PCDHA1: variants seen among roughly 807,000 people sequenced by gnomAD.
The protein encoded by PCDHA1 is protocadherin alpha-1.
A neutral mutation model predicts 61.3 loss-of-function variants in PCDHA1; 42 were observed. That is an observed-to-expected ratio of 0.69 (90% CI 0.54 to 0.89). The LOEUF (loss-of-function observed/expected upper bound fraction) is 0.89, where lower values mean the gene tolerates loss of function less well. PCDHA1 is among the 40% of genes least tolerant of loss of function. The pLI is 0.00. For synonymous variants in PCDHA1, 610 were observed against 553.8 expected (o/e 1.10, Z -1.43); for missense variants, 1,256 against 1,235.3 (o/e 1.02, Z -0.25).
At chr5:140,796,173 T>G in intron 1 of PCDHA1, 1 of 1,614,172 alleles carries the variant, frequency 6.2e-7, no homozygotes, top group Admixed American at 1.7e-5. Context: ...CCTTCAAGAA[T>G]TACTACTCGT....
At chr5:140,791,004 C>G (rs1181015646) in intron 1 of PCDHA1, among the ~76,000 whole-genome samples, 1 of 152,180 alleles carries the variant, frequency 6.6e-6, no homozygotes, top group Non-Finnish European at 1.5e-5. Flanking sequence ...AAAGTTCTTG[C>G]TCCATTCCAA....
At chr5:140,892,758 A>G (rs936927643) in intron 1 of PCDHA1, among the ~76,000 whole-genome samples, 2 of 152,210 alleles carry the variant, frequency 1.3e-5, no homozygotes, top group Non-Finnish European at 2.9e-5. Flanking sequence ...AACATTTAAA[A>G]TCCACTCTTC....
At chr5:140,807,646 A>T (rs1763995507) in intron 1 of PCDHA1, 1 of 1,614,220 alleles carries the variant, frequency 6.2e-7, no homozygotes, top group East Asian at 2.2e-5. Flanking sequence ...CTCGGTTTCC[A>T]CTAGAGGGCG....
At chr5:140,942,311 G>A (rs781987580) in intron 1 of PCDHA1, among the ~76,000 whole-genome samples, 1 of 152,004 alleles carries the variant, frequency 6.6e-6, no homozygotes, top group Non-Finnish European at 1.5e-5. Flanking sequence ...TTGGGAGGTC[G>A]AGGCACAAGA....
chr5:140,824,073 A>C, intron 1 of PCDHA1: 2 of 1,614,196 alleles, frequency 1.2e-6, no homozygotes, highest in Non-Finnish European at 1.7e-6. Context: ...CACCCAAAAC[A>C]GACCTCATGG....
intron 1 of PCDHA1, among the ~76,000 whole-genome samples, chr5:140,910,282 T>C (rs557559116): frequency 1.3e-5 from 2 of 152,300 alleles, no homozygotes; most frequent in East Asian, 1.9e-4. Context: ...AGGAACACCA[T>C]GATTAATCAA....
rs1554122539 is a variant in PCDHA1 at position 140,803,038 on chromosome 5, G to C, written c.2394+14354G>C. ...TGGCTTTCGTATGAGCTGCAGCCTG[G>C]GACCGGCGGTGCGCGCATCCCGTTT... On this transcript the variant is annotated intron_variant, in intron 1 of 3. Transcript: ENST00000504120. 2.5e-6 allele frequency: 4 copies of C among 1,614,052 alleles called. No individual in the cohort carries two copies. The Admixed American group carries it at 6.7e-5, about 27-fold the overall frequency.
chr5:140,882,002 G>A (rs2153382146), intron 1 of PCDHA1: 1 of 489,088 alleles, frequency 2.0e-6, no homozygotes, highest in South Asian at 5.2e-5. Context: ...AAATGCAAGG[G>A]GCAAAAAAAT....
At chr5:140,881,259 C>A in intron 1 of PCDHA1, 1 of 524,594 alleles carries the variant, frequency 1.9e-6, no homozygotes, top group Non-Finnish European at 2.4e-6. Flanking sequence ...AGGTTTTACT[C>A]AGTGATGATG....
chr5:141,005,701 CAAAAA>C (rs59860837), intron 3 of PCDHA1, among the ~76,000 whole-genome samples: 1 of 7,786 alleles, frequency 1.3e-4, no homozygotes, highest in Non-Finnish European at 2.7e-4. Context: ...AACTCCGTCT[CAAAAA>C]AAAAAAAAAA....
At chr5:140,943,019 G>A (rs1554215345) in intron 1 of PCDHA1, among the ~76,000 whole-genome samples, 1 of 152,068 alleles carries the variant, frequency 6.6e-6, no homozygotes, top group Non-Finnish European at 1.5e-5. Flanking sequence ...CACTTTGGGA[G>A]GCTGAGGTGG....
intron 1 of PCDHA1, chr5:140,848,534 T>C (rs2150412178): frequency 6.3e-7 from 1 of 1,595,182 alleles, no homozygotes; most frequent in Non-Finnish European, 8.6e-7. Flanking sequence ...AGGGTCAGCC[T>C]CTACTGCTCT....
At chr5:140,987,149 G>C (rs1380803903) in intron 3 of PCDHA1, among the ~76,000 whole-genome samples, 2 of 151,884 alleles carry the variant, frequency 1.3e-5, no homozygotes, top group African/African-American at 4.8e-5. Flanking sequence ...GGGAGGTGGA[G>C]GTTGCAGTGA....
chr5:140,870,200 C>A, intron 1 of PCDHA1: 1 of 1,614,174 alleles, frequency 6.2e-7, no homozygotes, highest in South Asian at 1.1e-5. Flanking sequence ...CAGCCCAGCA[C>A]GGTCATTGCC....
In PCDHA1 at chr5:140,787,167, T is replaced by C. The variant is rs561695201; in HGVS notation, c.877T>C (p.Phe293Leu). ...TATTTCTCGTGACATTCAAGAAAAA[T>C]TCAAAGTTGATTCCAGCTCAGGAGA... is the stretch of plus-strand genomic sequence containing the variant. ...SGISRDIQEK[F>L]KVDSSSGEIR... Residue 293 changes from phenylalanine to leucine, a missense_variant, in exon 1 of 4, where the codon TTC becomes CTC. Coordinates refer to ENST00000504120, the MANE Select transcript of PCDHA1 (RefSeq NM_018900.4). The C allele has an allele frequency of 6.2e-7, 1 of 1,613,694 alleles. No homozygotes were observed. Among genetic ancestry groups the C allele is most frequent in the East Asian group, 2.2e-5 (1 of 44,868 alleles).
chr5:140,877,789 A>C, intron 1 of PCDHA1: 1 of 1,614,072 alleles, frequency 6.2e-7, no homozygotes, highest in Non-Finnish European at 8.5e-7. Flanking sequence ...CATGGCCTTC[A>C]GCCCAAGCCT....
intron 1 of PCDHA1, chr5:140,815,408 A>G (rs1320427077): frequency 6.6e-6 from 1 of 152,112 alleles, no homozygotes; most frequent in Non-Finnish European, 1.5e-5. Context: ...AAACTCTTAT[A>G]AAAATGTATT....
chr5:140,914,504 T>A (rs1554196424), intron 1 of PCDHA1, among the ~76,000 whole-genome samples: 1 of 152,202 alleles, frequency 6.6e-6, no homozygotes, highest in Non-Finnish European at 1.5e-5. Flanking sequence ...AACAGATCAT[T>A]GGGTCATGTT....
intron 1 of PCDHA1, among the ~76,000 whole-genome samples, chr5:140,790,859 C>T (rs192360381): frequency 7.9e-5 from 12 of 152,050 alleles, no homozygotes; most frequent in Middle Eastern, 3.4e-3. Flanking sequence ...AATAAATGGG[C>T]GTAGGAGTAC....
Sources: gnomAD v4.1 joint callset for allele counts (sites outside exome capture counted in the v4.1 genomes callset) on GRCh38, gnomAD v4.1.1 for gene constraint, MANE v1.5 for transcripts, NCBI Gene and HGNC (gene_info 2026-07-23, HGNC 2026-07-21) for gene names.